Variants in BNC2 observed in about 807,000 individuals in gnomAD.
BNC2 encodes basonuclin zinc finger protein 2, also known as zinc finger protein basonuclin-2.
In BNC2, 20 loss-of-function variants were observed where a neutral mutation model predicts 76.3. The ratio of observed to expected loss-of-function variants is 0.26; its 90% CI spans 0.18 to 0.38. The LOEUF (loss-of-function observed/expected upper bound fraction) is 0.38, where lower values mean the gene tolerates loss of function less well. Among genes scored for constraint, BNC2 ranks in the 10% least tolerant of loss-of-function variants. BNC2 has a pLI of 1.00. For missense variants in BNC2, 1,382 were observed against 1,399.8 expected (o/e 0.99, Z 0.20); for synonymous variants, 582 against 514.8 (o/e 1.13, Z -1.77).
intron 3 of BNC2, among the ~76,000 whole-genome samples, chr9:16,687,047 C>A (rs1011518424): frequency 6.6e-6 from 1 of 152,042 alleles, no homozygotes; most frequent in East Asian, 1.9e-4. Context: ...AACACTCTTA[C>A]GGAGTATGAG....
intron 5 of BNC2, among the ~76,000 whole-genome samples, chr9:16,500,540 T>C (rs554284564): frequency 1.3e-5 from 2 of 152,298 alleles, no homozygotes; most frequent in South Asian, 4.1e-4. Flanking sequence ...ATAGCTCATA[T>C]ATGACTAAAC....
chr9:16,824,786 A>T (rs139982906), intron 1 of BNC2, among the ~76,000 whole-genome samples: 1 of 152,208 alleles, frequency 6.6e-6, no homozygotes, highest in Non-Finnish European at 1.5e-5. Flanking sequence ...ACTTGTCTAT[A>T]AACAGCAGAG....
intron 5 of BNC2, among the ~76,000 whole-genome samples, chr9:16,483,252 A>G (rs909686456): frequency 6.6e-6 from 1 of 152,206 alleles, no homozygotes; most frequent in African/African-American, 2.4e-5. Flanking sequence ...ACACTGCTGA[A>G]ACCAAGAGGC....
chr9:16,738,227 T>C (rs542168526), intron 2 of BNC2, 133 bp downstream of exon 2: 64 of 1,002,224 alleles, frequency 6.4e-5, no homozygotes, highest in Middle Eastern at 2.7e-4. Context: ...CTGAGTTTCA[T>C]AGAATGAGGA....
intron 1 of BNC2, among the ~76,000 whole-genome samples, chr9:16,853,312 G>C (rs1259819538): frequency 6.6e-6 from 1 of 150,986 alleles, no homozygotes; most frequent in Non-Finnish European, 1.5e-5. Context: ...AGGCTAAGGT[G>C]GAGGATCACC....
At chr9:16,620,873 T>G (rs1820846951) in intron 3 of BNC2, among the ~76,000 whole-genome samples, 1 of 152,172 alleles carries the variant, frequency 6.6e-6, no homozygotes, top group Non-Finnish European at 1.5e-5. Context: ...GTGATATGAC[T>G]TATTTCTGTA....
chr9:16,686,883 C>A (rs1822994092), intron 3 of BNC2, among the ~76,000 whole-genome samples: 1 of 152,158 alleles, frequency 6.6e-6, no homozygotes, highest in African/African-American at 2.4e-5. Flanking sequence ...GTCTTTTATT[C>A]TTCTTTACTA....
intron 1 of BNC2, among the ~76,000 whole-genome samples, chr9:16,844,949 C>G (rs555313913): frequency 5.9e-5 from 9 of 152,250 alleles, no homozygotes; most frequent in Admixed American, 4.6e-4. Flanking sequence ...GGCAGCCCCC[C>G]AGTTGAGTCA....
At chr9:16,528,250 T>C (rs184001220) in intron 5 of BNC2, among the ~76,000 whole-genome samples, 88 of 152,346 alleles carry the variant, frequency 5.8e-4, no homozygotes, top group Non-Finnish European at 9.6e-4. Flanking sequence ...AGTTCTTGAA[T>C]ATAACTTTTT....
At chr9:16,451,089 T>A (rs368117384) in intron 5 of BNC2, among the ~76,000 whole-genome samples, 5 of 152,192 alleles carry the variant, frequency 3.3e-5, no homozygotes, top group Admixed American at 2.0e-4. Flanking sequence ...TGGATTTCGT[T>A]GCCTTTTTAC....
intron 5 of BNC2, among the ~76,000 whole-genome samples, chr9:16,517,594 C>T (rs1002492995): frequency 6.6e-6 from 1 of 152,064 alleles, no homozygotes; most frequent in African/African-American, 2.4e-5. Context: ...CAAGTGCACA[C>T]AAACTTAAGT....
intron 3 of BNC2, among the ~76,000 whole-genome samples, chr9:16,585,777 T>C (rs763738035): frequency 1.3e-5 from 2 of 151,992 alleles, no homozygotes; most frequent in Non-Finnish European, 2.9e-5. Context: ...AAGGAGACAG[T>C]TGGGAAGAGT....
intron 3 of BNC2, among the ~76,000 whole-genome samples, chr9:16,637,403 T>G (rs1821359787): frequency 6.6e-6 from 1 of 152,168 alleles, no homozygotes; most frequent in African/African-American, 2.4e-5. Context: ...AGTTGTGATG[T>G]TCACCCAACA....
intron 1 of BNC2, among the ~76,000 whole-genome samples, chr9:16,758,510 T>A (rs1020548609): frequency 1.3e-5 from 2 of 152,098 alleles, no homozygotes; most frequent in African/African-American, 4.8e-5. Context: ...TTTGTATTTG[T>A]AGTAGAGACA....
intron 4 of BNC2, among the ~76,000 whole-genome samples, chr9:16,553,194 C>T (rs932072896): frequency 1.3e-5 from 2 of 152,136 alleles, no homozygotes; most frequent in Non-Finnish European, 2.9e-5. Context: ...TGGGCAGGCT[C>T]AGTGAATATC....
chr9:16,554,102 G>A lies in BNC2; in HGVS notation c.434-1337C>T, dbSNP rs147239053. Reference sequence around the variant, plus strand: ...CCTAAGTTATGAACCTAAGGTTTCTGCAAATTCTAAACTACAGTGTGGCCT... The same window carrying A: ...CCTAAGTTATGAACCTAAGGTTTCTACAAATTCTAAACTACAGTGTGGCCT... On this transcript the variant is annotated intron_variant, in intron 4 of 6. Transcript: ENST00000380672. Among the ~76,000 whole-genome samples the A allele has an allele frequency of 1.7e-4, 26 of 152,252 alleles. No individual in the cohort carries two copies. In the East Asian group the frequency reaches 5.0e-3, roughly 29 times the overall value.
intron 3 of BNC2, among the ~76,000 whole-genome samples, chr9:16,638,747 T>TA (rs1196398128): frequency 8.5e-5 from 13 of 152,058 alleles, no homozygotes; most frequent in Non-Finnish European, 1.8e-4. Context: ...AAACTACAAA[T>TA]AGAGTACGAT....
chr9:16,837,363 G>C (rs1251815076), intron 1 of BNC2, among the ~76,000 whole-genome samples: 2 of 152,090 alleles, frequency 1.3e-5, no homozygotes, highest in East Asian at 3.9e-4. Context: ...AATTAGCCGA[G>C]CGTGGTGGCA....
chr9:16,792,154 A>G (rs900075764), intron 1 of BNC2, among the ~76,000 whole-genome samples: 1 of 151,984 alleles, frequency 6.6e-6, no homozygotes, highest in African/African-American at 2.4e-5. Context: ...CTATACACTC[A>G]GTATGCACCA....
Sources: gnomAD v4.1 joint callset for allele counts (sites outside exome capture counted in the v4.1 genomes callset) on GRCh38, gnomAD v4.1.1 for gene constraint, MANE v1.5 for transcripts, NCBI Gene and HGNC (gene_info 2026-07-23, HGNC 2026-07-21) for gene names.